Variants in HAAO observed in about 807,000 individuals in gnomAD.
HAAO encodes 3-hydroxyanthranilate 3,4-dioxygenase, also known as 3-hydroxyanthranilate oxygenase.
Under a neutral mutation model 46.2 loss-of-function variants are expected in HAAO, and 49 were observed. The observed-to-expected ratio is 1.06, with a 90% CI of 0.84 to 1.34. The LOEUF (loss-of-function observed/expected upper bound fraction) is 1.34, where lower values mean the gene tolerates loss of function less well. Ranked by LOEUF, HAAO falls within the 40% of genes most tolerant of loss-of-function variation. The probability of loss-of-function intolerance (pLI) is 0.00; values close to 1 mark genes in which losing one functional copy is unlikely to be tolerated. For synonymous variants in HAAO, 157 were observed against 145.2 expected (o/e 1.08, Z -0.58); for missense variants, 408 against 364.5 (o/e 1.12, Z -0.97).
chr2:42,768,074 G>A, intron 7 of HAAO, 146 bp from the exon 8 acceptor site: 1 of 684,246 alleles, frequency 1.5e-6, no homozygotes, highest in African/African-American at 1.8e-5. Context: ...GCAGAGACCA[G>A]GACTTGGAGA....
rs188496838 is a variant in HAAO, at chr2:42,788,775, G to A, written c.81-168C>T. ...ACTCTCATCCCCGGTTCATGCCTGC[G>A]TGCATCTAAGTGTCTATGTGTCTGG... On this transcript the variant is annotated intron_variant, in intron 1 of 9. Coordinates refer to ENST00000294973, the MANE Select transcript of HAAO (RefSeq NM_012205.3). Among the ~76,000 whole-genome samples, 118 of 152,302 alleles carry A rather than the reference G, an allele frequency of 7.7e-4. 2 individuals carry two copies. The highest frequency in any genetic ancestry group is 2.3e-3 in the African/African-American group (96 of 41,546).
In HAAO at chr2:42,777,316, AAAAAAAAG is replaced by A. The variant is rs1671656862; in HGVS notation, c.350+5990_350+5997del. Among the ~76,000 whole-genome samples the A allele has an allele frequency of 5.3e-5, 8 of 150,756 alleles. No individual in the cohort carries two copies. The South Asian group carries it at 1.7e-3, about 32-fold the overall frequency. ...AGACTCTTATCGCAAAAAAAAAAAAAAAAAAAAGAAGAAAGAAAAGAAGAAAAAGAATG... is the reference window on the plus strand; with the variant it reads ...AGACTCTTATCGCAAAAAAAAAAAAAAAGAAAGAAAAGAAGAAAAAGAATG... On this transcript the variant is annotated intron_variant, in intron 4 of 9. Coordinates refer to ENST00000294973, the MANE Select transcript of HAAO (RefSeq NM_012205.3).
chr2:42,784,589 T>C (rs1672259356), intron 2 of HAAO, among the ~76,000 whole-genome samples: 1 of 151,584 alleles, frequency 6.6e-6, no homozygotes, highest in Non-Finnish European at 1.5e-5. Flanking sequence ...AGTCCCTAAT[T>C]TACTGAGATC....
At chr2:42,791,225 T>C (rs755085669) in intron 1 of HAAO, among the ~76,000 whole-genome samples, 4 of 152,148 alleles carry the variant, frequency 2.6e-5, no homozygotes, top group Non-Finnish European at 5.9e-5. Flanking sequence ...ACAAGGAGAC[T>C]GCCTTGTGAA....
At chr2:42,770,322 C>T in intron 5 of HAAO, 136 bp from the exon 6 acceptor site, 1 of 878,782 alleles carries the variant, frequency 1.1e-6, no homozygotes, top group South Asian at 1.6e-5. Context: ...AGCTGTGTGT[C>T]TGCCATCCTT....
intron 4 of HAAO, among the ~76,000 whole-genome samples, chr2:42,773,154 C>G (rs1671281473): frequency 6.6e-6 from 1 of 152,218 alleles, no homozygotes; most frequent in Non-Finnish European, 1.5e-5. Context: ...TGTCCTGGCC[C>G]TAACTCCATA....
At chr2:42,782,761 T>C (rs1348496351) in intron 4 of HAAO, 5 of 329,306 alleles carry the variant, frequency 1.5e-5, no homozygotes, top group South Asian at 4.8e-5. Flanking sequence ...TTGTCTCTTA[T>C]CTACCTGTGA....
chr2:42,768,762 G>A (rs1670861558), intron 7 of HAAO, among the ~76,000 whole-genome samples: 1 of 152,124 alleles, frequency 6.6e-6, no homozygotes. Context: ...TACTTTGGTG[G>A]AGGGCTGTTG....
At chr2:42,775,148 G>A (rs1671444234) in intron 4 of HAAO, among the ~76,000 whole-genome samples, 1 of 151,452 alleles carries the variant, frequency 6.6e-6, no homozygotes, top group African/African-American at 2.4e-5. Flanking sequence ...TCAGGAGGCT[G>A]AGGCAGGAGA....
intron 4 of HAAO, among the ~76,000 whole-genome samples, 179 bp from the exon 5 acceptor site, chr2:42,770,761 C>T (rs761263222): frequency 1.3e-5 from 2 of 152,202 alleles, no homozygotes; most frequent in East Asian, 1.9e-4. Context: ...AGCACACGTG[C>T]GCCCCCTGAG....
At chr2:42,792,188 G>A (rs576257095) in intron 1 of HAAO, among the ~76,000 whole-genome samples, 1 of 152,272 alleles carries the variant, frequency 6.6e-6, no homozygotes, top group Non-Finnish European at 1.5e-5. Context: ...GCCCTGGAAG[G>A]AGAGGTGCAC....
At chr2:42,790,052 G>C (rs909858621) in intron 1 of HAAO, among the ~76,000 whole-genome samples, 2 of 152,200 alleles carry the variant, frequency 1.3e-5, no homozygotes, top group South Asian at 4.1e-4. Flanking sequence ...TGACGATGGT[G>C]TGGATGGCAG....
chr2:42,772,692 T>A (rs997426901), intron 4 of HAAO, among the ~76,000 whole-genome samples: 18 of 152,104 alleles, frequency 1.2e-4, no homozygotes, highest in African/African-American at 4.3e-4. Flanking sequence ...GTAATTTTAA[T>A]TTTGTTCACT....
intron 1 of HAAO, among the ~76,000 whole-genome samples, chr2:42,790,405 C>T (rs1210004518): frequency 1.3e-5 from 2 of 151,836 alleles, no homozygotes; most frequent in African/African-American, 4.8e-5. Context: ...GAGCTGGGTG[C>T]AGAGGCTCTG....
chr2:42,770,066 C>G (rs369185081), intron 6 of HAAO, 77 bp downstream of exon 6: 3 of 1,386,834 alleles, frequency 2.2e-6, no homozygotes, highest in Admixed American at 3.8e-5. Context: ...AGAGACTCCC[C>G]GGTCCCCTGG....
chr2:42,783,464 C>A (rs1207148207), intron 3 of HAAO, 44 bp from the exon 4 acceptor site: 1 of 1,260,964 alleles, frequency 7.9e-7, no homozygotes, highest in Non-Finnish European at 1.1e-6. Flanking sequence ...TGCAATCCCT[C>A]ATGGAGACCT....
At chr2:42,784,126 C>T (rs189991898) in intron 2 of HAAO, among the ~76,000 whole-genome samples, 29 of 152,252 alleles carry the variant, frequency 1.9e-4, no homozygotes, top group Middle Eastern at 3.4e-3. Flanking sequence ...GCCTGGCTGG[C>T]GGGCAGGAAC....
chr2:42,771,707 G>A (rs1558661128), intron 4 of HAAO, among the ~76,000 whole-genome samples: 1 of 152,268 alleles, frequency 6.6e-6, no homozygotes, highest in East Asian at 1.9e-4. Context: ...TGTGGGTGCT[G>A]CACATGGTGG....
At chr2:42,774,441 C>G (rs766376361) in intron 4 of HAAO, among the ~76,000 whole-genome samples, 7 of 152,178 alleles carry the variant, frequency 4.6e-5, no homozygotes, top group Non-Finnish European at 7.3e-5. Flanking sequence ...CCTGATCTCC[C>G]CAAATTTGGT....
Sources: gnomAD v4.1 joint callset for allele counts (sites outside exome capture counted in the v4.1 genomes callset) on GRCh38, gnomAD v4.1.1 for gene constraint, MANE v1.5 for transcripts, NCBI Gene and HGNC (gene_info 2026-07-23, HGNC 2026-07-21) for gene names.